Variants in NEK6 observed in about 807,000 individuals in gnomAD.
The protein encoded by NEK6 is NIMA related kinase 6.
NEK6 carries 27 observed loss-of-function variants against 43.5 expected under a neutral mutation model. The observed-to-expected ratio is 0.62, with a 90% CI of 0.46 to 0.86. The LOEUF is 0.86. NEK6 is among the 40% of genes least tolerant of loss of function. The probability of loss-of-function intolerance (pLI) is 0.00; values close to 1 mark genes in which losing one functional copy is unlikely to be tolerated. For missense variants in NEK6, 318 were observed against 414.4 expected (o/e 0.77, Z 2.02); for synonymous variants, 167 against 164.1 (o/e 1.02, Z -0.14).
intron 1 of NEK6, among the ~76,000 whole-genome samples, chr9:124,268,332 A>G (rs1831303065): frequency 6.6e-6 from 1 of 152,222 alleles, no homozygotes; most frequent in East Asian, 1.9e-4. Flanking sequence ...CCATTCATCC[A>G]GCACTGTTTG....
rs563992828 is a variant in NEK6, at chr9:124,343,402, G to C, written c.717+3737G>C. On this transcript the variant is annotated intron_variant, in intron 8 of 9. Transcript: ENST00000320246. The surrounding 1 kb of genome is among the most constrained non-coding windows in gnomAD (Gnocchi z 5.1). ...CAGCAGTCAAGCCCTGAGGGGATTA[G>C]CGTCCTCAGGGACATCAGGCGCTGA... Among the ~76,000 whole-genome samples the C allele has an allele frequency of 6.6e-6, 1 of 152,208 alleles. No individual in the cohort carries two copies. The highest frequency in any genetic ancestry group is 1.9e-4 in the East Asian group (1 of 5,156).
Position 124,350,856 on chromosome 9 carries a change from T to C in NEK6, c.851T>C (p.Met284Thr), listed in dbSNP as rs201113183. Residue 284 changes from methionine (M) to threonine (T), a missense_variant, in exon 10 of 10, where the codon ATG (methionine) becomes ACG (threonine). Met to Thr is a moderately conservative substitution (Grantham distance 81). Around this residue, in one of 2 missense-constraint regions of NEK6, gnomAD observed 79 missense variants for 70.0 expected, o/e 1.13. Transcript: ENST00000320246. ...YSEKLRELVS[M>T]CICPDPHQRP... ...CTGCAGTTACGAGAACTGGTCAGCA[T>C]GTGCATCTGCCCTGACCCCCACCAG... 4.3e-6 allele frequency: 7 copies of C among 1,612,582 alleles called. No individual in the cohort carries two copies. The highest frequency in any genetic ancestry group is 5.9e-6 in the Non-Finnish European group (7 of 1,179,742).
At chr9:124,331,170 G>C (rs1828967238) in intron 7 of NEK6, among the ~76,000 whole-genome samples, 1 of 149,802 alleles carries the variant, frequency 6.7e-6, no homozygotes, top group African/African-American at 2.5e-5. Flanking sequence ...GGAGGCTGAG[G>C]CAGGAGAATT....
intron 1 of NEK6, chr9:124,258,394 C>T (rs1830894088): frequency 3.1e-6 from 3 of 958,762 alleles, no homozygotes; most frequent in South Asian, 9.6e-5. Context: ...GCATGGCTCC[C>T]CGCTACCCAC....
chr9:124,346,361 G>C (rs777243436), intron 8 of NEK6, among the ~76,000 whole-genome samples: 1 of 152,186 alleles, frequency 6.6e-6, no homozygotes, highest in Non-Finnish European at 1.5e-5. Flanking sequence ...AACCCAAGCT[G>C]ACGGGCACCC....
chr9:124,321,512 C>A lies in NEK6; in HGVS notation c.348C>A (p.Asn116Lys). 1 of 1,614,066 alleles carries A rather than the reference C, an allele frequency of 6.2e-7. No individual in the cohort carries two copies. Residue 116 changes from asparagine (N) to lysine (K), a missense_variant, in exon 5 of 10, where the codon AAC (asparagine) becomes AAA (lysine). Asn to Lys is a moderately conservative substitution (Grantham distance 94, BLOSUM62 0). Coordinates refer to ENST00000320246, the MANE Select transcript of NEK6 (RefSeq NM_014397.6). ...ATTTGGACTCGTTTATCGAAGACAA[C>A]GAGCTGAACATTGTGCTGGAGTTGG... Reference protein sequence around the residue: ...IKYLDSFIEDNELNIVLELAD... With the variant: ...IKYLDSFIEDKELNIVLELAD...
At chr9:124,292,994 G>A (rs755540259) in intron 1 of NEK6, 3 of 1,574,506 alleles carry the variant, frequency 1.9e-6, no homozygotes, top group African/African-American at 2.7e-5. Context: ...AGGAGGAGCA[G>A]AGCCTGCCAA....
intron 3 of NEK6, among the ~76,000 whole-genome samples, chr9:124,313,337 CCT>C: frequency 6.6e-6 from 1 of 151,644 alleles, no homozygotes; most frequent in East Asian, 1.9e-4. Flanking sequence ...GTAGCAGGGT[CCT>C]CTCTGTCCAA....
At position 124,347,765 on chromosome 9, in the gene NEK6, C is replaced by T; in HGVS notation, c.774C>T (p.Cys258=). 1 of 1,613,284 alleles carries T rather than the reference C, an allele frequency of 6.2e-7. No homozygotes were observed. The highest frequency in any genetic ancestry group is 2.2e-5 in the East Asian group (1 of 44,806). ...YGDKMNLFSL[C]QKIEQCDYPP... is the part of the protein sequence containing the mutation. ...ATAAGATGAATCTCTTCTCCCTGTG[C>T]CAGAAGATCGAGCAGTGTGACTACC... is the stretch of plus-strand genomic sequence containing the variant. The change falls in exon 9 of 10, where the codon TGC becomes TGT. Residue 258 remains cysteine, a synonymous_variant. Transcript: ENST00000320246.
intron 3 of NEK6, among the ~76,000 whole-genome samples, chr9:124,313,587 C>T (rs995147778): frequency 2.0e-5 from 3 of 152,108 alleles, no homozygotes; most frequent in Non-Finnish European, 4.4e-5. Flanking sequence ...AGGCTGGTCT[C>T]GAACTCCTGA....
Position 124,326,253 on chromosome 9 carries a change from G to C in NEK6, c.406-77G>C. On this transcript the variant is annotated intron_variant, in intron 5 of 9. Coordinates refer to ENST00000320246, the MANE Select transcript of NEK6 (RefSeq NM_014397.6). The surrounding 1 kb of genome is among the most constrained non-coding windows in gnomAD (Gnocchi z 4.5). The stretch of plus-strand genomic sequence containing the variant: ...CCAGTTACCCACTGGGGAAAGGACA[G>C]AGGCAGTGCCCTGTGGCCACCCACC... 1 of 690,996 alleles carries C rather than the reference G, an allele frequency of 1.4e-6. No individual in the cohort carries two copies. The highest frequency in any genetic ancestry group is 2.7e-4 in the Middle Eastern group (1 of 3,760). The allele number at this position is 690,996 out of a possible 1,614,324, so 42.8% of individuals were successfully genotyped here. A position where few individuals can be genotyped will look rare whatever the true frequency, so the allele number is the denominator to read the frequency against.
At chr9:124,308,668 A>C (rs544414059) in intron 2 of NEK6, among the ~76,000 whole-genome samples, 59 of 152,274 alleles carry the variant, frequency 3.9e-4, no homozygotes, top group African/African-American at 1.3e-3. Context: ...AAAAAAAAAA[A>C]AAAAAAACCA....
intron 1 of NEK6, among the ~76,000 whole-genome samples, chr9:124,272,274 G>C (rs1193223820): frequency 6.6e-6 from 1 of 152,184 alleles, no homozygotes; most frequent in East Asian, 1.9e-4. Context: ...TCCCTTCCTT[G>C]TTTTCTTTGT....
rs78099254 is a variant in NEK6 at position 124,313,045 on chromosome 9, G to A, written c.231+396G>A. 1.1e-3 allele frequency among the ~76,000 whole-genome samples: 165 copies of A among 152,292 alleles called. 2 individuals carry two copies. The East Asian group carries it at 0.024, about 22-fold the overall frequency. On this transcript the variant is annotated intron_variant, in intron 3 of 9. Transcript: ENST00000320246. ...TCCTTGCGCCTGCGGTTGCTCCACA[G>A]TTCTGGGCTTCCTGCCTTCTGCGTC...
chr9:124,294,748 C>A (rs987947060), intron 1 of NEK6, among the ~76,000 whole-genome samples: 4 of 152,160 alleles, frequency 2.6e-5, no homozygotes, highest in African/African-American at 9.7e-5. Flanking sequence ...GAATGGCTTG[C>A]TCCGGTGTGC....
At chr9:124,291,302 A>G (rs1332569962) in intron 1 of NEK6, among the ~76,000 whole-genome samples, 1 of 152,140 alleles carries the variant, frequency 6.6e-6, no homozygotes, top group Non-Finnish European at 1.5e-5. Context: ...CCAGTTTACA[A>G]AGGAGAGAAT....
At chr9:124,329,283 C>CAA (rs10665194) in intron 7 of NEK6, among the ~76,000 whole-genome samples, 13,764 of 152,236 alleles carry the variant, frequency 0.09, 1,150 homozygotes, top group East Asian at 0.46. Flanking sequence ...GGGAAGCTGT[C>CAA]AAAGAGAAGA....
At chr9:124,333,040 G>A (rs1057453831) in intron 7 of NEK6, among the ~76,000 whole-genome samples, 1 of 152,184 alleles carries the variant, frequency 6.6e-6, no homozygotes, top group African/African-American at 2.4e-5. Context: ...CACAGAGGTC[G>A]TCCTGGGCAG....
rs1834227480 is a variant in NEK6 at position 124,324,356 on chromosome 9, G to A, written c.406-1974G>A. On this transcript the variant is annotated intron_variant, in intron 5 of 9. Transcript: ENST00000320246. The surrounding 1 kb of genome is among the most constrained non-coding windows in gnomAD (Gnocchi z 5.3). The stretch of plus-strand genomic sequence containing the variant: ...GGCCTCAGAGGCTGTCAGGCAGCAG[G>A]GATTGTGTCCCGAGAGCCTGCAGCC... Among the ~76,000 whole-genome samples the A allele has an allele frequency of 6.6e-6, 1 of 152,200 alleles. No homozygotes were observed. The highest frequency in any genetic ancestry group is 2.4e-5 in the African/African-American group (1 of 41,444).
Sources: gnomAD v4.1 joint callset for allele counts (sites outside exome capture counted in the v4.1 genomes callset) on GRCh38, gnomAD v4.1.1 for gene constraint, gnomAD v4.1.1 regional missense constraint, Gnocchi (gnomAD v3.1) non-coding constraint, MANE v1.5 for transcripts, NCBI Gene and HGNC (gene_info 2026-07-23, HGNC 2026-07-21) for gene names.